Variants in KATNIP observed in about 807,000 individuals in gnomAD.
KATNIP encodes katanin-interacting protein.
A neutral mutation model predicts 174.0 loss-of-function variants in KATNIP; 126 were observed. The ratio of observed to expected loss-of-function variants is 0.72; its 90% CI spans 0.63 to 0.84. KATNIP has a LOEUF of 0.84. Among genes scored for constraint, KATNIP ranks in the 40% least tolerant of loss-of-function variants. The pLI is 0.00. For synonymous variants in KATNIP, 810 were observed against 835.7 expected (o/e 0.97, Z 0.53); for missense variants, 1,958 against 2,109.7 (o/e 0.93, Z 1.41).
intron 21 of KATNIP, among the ~76,000 whole-genome samples, chr16:27,770,685 G>A (rs927650013): frequency 3.9e-5 from 6 of 152,232 alleles, no homozygotes; most frequent in African/African-American, 1.4e-4. Context: ...CCCGTCAGGA[G>A]GGCCGTGGAG....
In KATNIP at chr16:27,749,681, C is replaced by A. The variant is rs1016354527; in HGVS notation, c.2721C>A (p.Asp907Glu). ...HESWSSLSAF[D>E]RSHRGRISNT... ...CATGGAGCTCCCTCAGTGCCTTCGA[C>A]CGCTCCCACCGGGGACGCATCTCCA... is the stretch of plus-strand genomic sequence containing the variant. Residue 907 changes from aspartate (D) to glutamate (E), a missense_variant, in exon 16 of 28, where the codon GAC becomes GAA. Transcript: ENST00000261588. 1.2e-6 allele frequency: 2 copies of A among 1,612,886 alleles called. No individual in the cohort carries two copies. The highest frequency in any genetic ancestry group is 2.7e-5 in the African/African-American group (2 of 75,030).
At chr16:27,607,664 C>G in intron 2 of KATNIP, among the ~76,000 whole-genome samples, 1 of 143,812 alleles carries the variant, frequency 7.0e-6, no homozygotes, top group Non-Finnish European at 1.5e-5. Context: ...GTGGCACAAT[C>G]TCAGCTCACC....
intron 3 of KATNIP, among the ~76,000 whole-genome samples, chr16:27,618,927 G>A (rs1027021662): frequency 7.2e-5 from 11 of 152,190 alleles, no homozygotes; most frequent in African/African-American, 9.7e-5. Context: ...GAAGTTGGTC[G>A]ATAAGTCATT....
chr16:27,739,904 C>G, intron 14 of KATNIP, 137 bp from the exon 15 acceptor site: 1 of 861,966 alleles, frequency 1.2e-6, no homozygotes, highest in African/African-American at 1.7e-5. Context: ...TTCACACCCC[C>G]AGCACTGTGG....
intron 5 of KATNIP, among the ~76,000 whole-genome samples, chr16:27,634,782 G>T (rs2076586855): frequency 6.6e-6 from 1 of 152,158 alleles, no homozygotes; most frequent in Non-Finnish European, 1.5e-5. Flanking sequence ...CAGAACCCAA[G>T]CCAAAATGTA....
intron 5 of KATNIP, among the ~76,000 whole-genome samples, chr16:27,646,556 A>G (rs1448710600): frequency 6.6e-6 from 1 of 152,230 alleles, no homozygotes; most frequent in Non-Finnish European, 1.5e-5. Context: ...TGAAGGACAC[A>G]GCCTGGATGC....
At chr16:27,716,947 C>G (rs1053705007) in intron 13 of KATNIP, among the ~76,000 whole-genome samples, 2 of 152,072 alleles carry the variant, frequency 1.3e-5, no homozygotes, top group African/African-American at 4.8e-5. Context: ...CGGGTTCGAG[C>G]GATTCTTCTG....
At chr16:27,633,704 G>A (rs1401327022) in intron 5 of KATNIP, among the ~76,000 whole-genome samples, 2 of 152,238 alleles carry the variant, frequency 1.3e-5, no homozygotes, top group East Asian at 3.9e-4. Flanking sequence ...CCCTTTATCA[G>A]CCCACCCACA....
chr16:27,701,450 G>C, intron 10 of KATNIP, 139 bp from the exon 11 acceptor site: 1 of 642,114 alleles, frequency 1.6e-6, no homozygotes, highest in Non-Finnish European at 2.8e-6. Flanking sequence ...GGCAGTTGCT[G>C]TCACCCTCAC....
chr16:27,741,673 C>T (rs1400623748), intron 15 of KATNIP, among the ~76,000 whole-genome samples: 2 of 152,128 alleles, frequency 1.3e-5, no homozygotes, highest in African/African-American at 2.4e-5. Flanking sequence ...GAGGCCGAGG[C>T]GGGCAGATAA....
chr16:27,643,676 A>T (rs1329308649), intron 5 of KATNIP, among the ~76,000 whole-genome samples: 1 of 146,974 alleles, frequency 6.8e-6, no homozygotes, highest in East Asian at 2.1e-4. Context: ...CATGGCACGT[A>T]GTGTGAAAGC....
intron 22 of KATNIP, 27 bp from the exon 23 acceptor site, chr16:27,773,072 C>G (rs962623220): frequency 7.2e-7 from 1 of 1,382,144 alleles, no homozygotes; most frequent in Non-Finnish European, 1.0e-6. Context: ...AAAATTAAGC[C>G]TTCTTTTCCT....
intron 19 of KATNIP, among the ~76,000 whole-genome samples, chr16:27,765,235 A>G (rs2082082078): frequency 6.6e-6 from 1 of 152,228 alleles, no homozygotes. Context: ...GGCCAGAGCC[A>G]CGAGGACAAG....
intron 6 of KATNIP, among the ~76,000 whole-genome samples, chr16:27,656,153 C>T (rs965180459): frequency 2.0e-5 from 3 of 152,078 alleles, no homozygotes; most frequent in African/African-American, 7.2e-5. Flanking sequence ...CAGCCAGGTG[C>T]GGTAGCTGAT....
intron 14 of KATNIP, among the ~76,000 whole-genome samples, chr16:27,726,980 A>C (rs1158320308): frequency 6.6e-6 from 1 of 152,252 alleles, no homozygotes; most frequent in East Asian, 1.9e-4. Context: ...GGTCAGAGCC[A>C]GCCCATCTGA....
intron 1 of KATNIP, among the ~76,000 whole-genome samples, chr16:27,553,972 G>A (rs910304845): frequency 1.3e-5 from 2 of 150,794 alleles, no homozygotes; most frequent in African/African-American, 4.9e-5. Flanking sequence ...CAGGGGGTGG[G>A]GTGGGGGGAG....
chr16:27,719,129 C>T (rs185199473), intron 13 of KATNIP, among the ~76,000 whole-genome samples: 4 of 152,322 alleles, frequency 2.6e-5, no homozygotes, highest in Admixed American at 2.6e-4. Context: ...GCTGCTGCTG[C>T]TCAGCCCCTA....
At chr16:27,751,665 A>C in intron 16 of KATNIP, 54 bp from the exon 17 acceptor site, 1 of 1,565,826 alleles carries the variant, frequency 6.4e-7, no homozygotes. Context: ...TTGATCTACA[A>C]ATCTCTGGGA....
Position 27,740,835 on chromosome 16 carries a change from C to A in KATNIP, c.2538C>A (p.Asn846Lys). Residue 846 changes from asparagine (N) to lysine (K), a missense_variant, in exon 15 of 28, where the codon AAC (asparagine) becomes AAA (lysine). Physicochemically the swap from Asn to Lys is moderately conservative, Grantham distance 94. Around this residue, in one of 3 missense-constraint regions of KATNIP, gnomAD observed 1,557 missense variants for 1,617.8 expected, o/e 0.96. Transcript: ENST00000261588. ...CAGACATCTTTAACCAGCCCCCCAA[C>A]AGAGAGCGCCCTGCTAGTGGGAGGA... Reference protein sequence around the residue: ...DDSDIFNQPPNRERPASGRRG... With the variant: ...DDSDIFNQPPKRERPASGRRG... 1 of 1,613,442 alleles carries A rather than the reference C, an allele frequency of 6.2e-7. No homozygotes were observed. Among genetic ancestry groups the A allele is most frequent in the Non-Finnish European group, 8.5e-7 (1 of 1,179,706 alleles).
Sources: allele counts gnomAD v4.1 joint callset (sites outside exome capture counted in the v4.1 genomes callset), GRCh38; gene constraint gnomAD v4.1.1; regional missense constraint gnomAD v4.1.1; transcripts MANE v1.5; gene names NCBI Gene and HGNC (gene_info 2026-07-23, HGNC 2026-07-21).